Variants in PTPRJ observed in about 807,000 individuals in gnomAD.
PTPRJ encodes the protein protein tyrosine phosphatase receptor type J, also known as receptor-type tyrosine-protein phosphatase eta.
Under a neutral mutation model 141.3 loss-of-function variants are expected in PTPRJ, and 129 were observed. The ratio of observed to expected loss-of-function variants is 0.91; its 90% CI spans 0.79 to 1.06. The LOEUF (loss-of-function observed/expected upper bound fraction) is 1.06. PTPRJ is among the 50% of genes least tolerant of loss of function. The probability of loss-of-function intolerance (pLI) is 0.00; values close to 1 mark genes in which losing one functional copy is unlikely to be tolerated. For missense variants in PTPRJ, 1,601 were observed against 1,679.7 expected, an observed-to-expected ratio of 0.95 and a Z score of 0.82; for synonymous variants, 610 against 640.5, an observed-to-expected ratio of 0.95 and a Z score of 0.72.
Position 48,032,785 on chromosome 11 carries a change from A to G in PTPRJ, c.96+51777A>G, listed in dbSNP as rs369251502. On this transcript the variant is annotated intron_variant, in intron 1 of 24. Coordinates refer to ENST00000418331, the MANE Select transcript of PTPRJ (RefSeq NM_002843.4). ...AAAAAACAAAACAAAAACAACAAAA[A>G]ACCCCAAATCTAATTCATTCATTCA... Among the ~76,000 whole-genome samples the G allele has an allele frequency of 1.1e-4, 16 of 152,266 alleles. No individual in the cohort carries two copies. In the South Asian group the frequency reaches 1.9e-3, roughly 18 times the overall value.
At chr11:47,998,159 TC>T (rs1445449047) in intron 1 of PTPRJ, among the ~76,000 whole-genome samples, 1 of 152,078 alleles carries the variant, frequency 6.6e-6, no homozygotes. Context: ...ATGAGGTTTT[TC>T]TGAGACATCC....
chr11:48,110,708 C>G (rs879546094), intron 2 of PTPRJ, among the ~76,000 whole-genome samples: 1 of 152,100 alleles, frequency 6.6e-6, no homozygotes, highest in Non-Finnish European at 1.5e-5. Context: ...TGTGTTGCTA[C>G]ATTGCCCTTT....
chr11:48,082,554 TTTTA>T (rs1565293492), intron 1 of PTPRJ, among the ~76,000 whole-genome samples: 1 of 151,760 alleles, frequency 6.6e-6, no homozygotes. Flanking sequence ...CTCCTTAATT[TTTTA>T]TTTATTTATT....
At chr11:48,061,124 G>A (rs909819730) in intron 1 of PTPRJ, among the ~76,000 whole-genome samples, 3 of 152,150 alleles carry the variant, frequency 2.0e-5, no homozygotes, top group Non-Finnish European at 4.4e-5. Flanking sequence ...TTACAGGCAT[G>A]TACCACCACA....
chr11:48,120,551 G>A (rs553148930), intron 3 of PTPRJ, among the ~76,000 whole-genome samples: 5 of 152,116 alleles, frequency 3.3e-5, no homozygotes, highest in Admixed American at 1.3e-4. Flanking sequence ...TCAGCCTCCC[G>A]AGTAGCTAGG....
intron 1 of PTPRJ, among the ~76,000 whole-genome samples, chr11:48,034,608 T>C (rs138164424): frequency 6.6e-6 from 1 of 152,322 alleles, no homozygotes; most frequent in African/African-American, 2.4e-5. Flanking sequence ...TTTGTACATA[T>C]TACTTGTTTA....
At chr11:48,024,926 T>A (rs1350128851) in intron 1 of PTPRJ, among the ~76,000 whole-genome samples, 2 of 152,232 alleles carry the variant, frequency 1.3e-5, no homozygotes, top group Non-Finnish European at 2.9e-5. Context: ...TTTACAGAGC[T>A]CTCGGGTGAT....
At chr11:48,092,206 A>C (rs2134300109) in intron 1 of PTPRJ, among the ~76,000 whole-genome samples, 1 of 147,142 alleles carries the variant, frequency 6.8e-6, no homozygotes, top group Admixed American at 6.9e-5. Flanking sequence ...GAGGCAAAAG[A>C]ATTGCTTGAA....
intron 1 of PTPRJ, among the ~76,000 whole-genome samples, chr11:48,008,915 C>T (rs1232310487): frequency 6.6e-6 from 1 of 152,122 alleles, no homozygotes; most frequent in Admixed American, 6.5e-5. Context: ...ACCCAGTAAA[C>T]AAATGAATTA....
intron 24 of PTPRJ, among the ~76,000 whole-genome samples, chr11:48,165,413 C>A (rs1329689373): frequency 6.6e-6 from 1 of 152,196 alleles, no homozygotes; most frequent in Non-Finnish European, 1.5e-5. Context: ...TGGTTTTACC[C>A]AAACTGTTAC....
At chr11:48,022,447 C>T (rs1340490346) in intron 1 of PTPRJ, among the ~76,000 whole-genome samples, 2 of 149,530 alleles carry the variant, frequency 1.3e-5, no homozygotes, top group African/African-American at 2.5e-5. Flanking sequence ...CTGAGTAACA[C>T]GAGCAAAACT....
Position 48,146,875 on chromosome 11 carries a change from G to A in PTPRJ, c.2912-1G>A, listed in dbSNP as rs916361604. The A allele has an allele frequency of 3.1e-6, 5 of 1,613,910 alleles. No homozygotes were observed. Among genetic ancestry groups the A allele is most frequent in the Non-Finnish European group, 4.2e-6 (5 of 1,179,844 alleles). ...GTGTCTCCCATTTGGACTTTTCTCAGGTGTCATCTGTGGAGCGGTTTTTGG... is the reference window on the plus strand; with the variant it reads ...GTGTCTCCCATTTGGACTTTTCTCAAGTGTCATCTGTGGAGCGGTTTTTGG... On this transcript the variant is annotated splice_acceptor_variant, in intron 14 of 24. Transcript: ENST00000418331. LOFTEE classifies it high-confidence loss of function.
chr11:48,045,278 A>G (rs1195958722), intron 1 of PTPRJ, among the ~76,000 whole-genome samples: 2 of 152,192 alleles, frequency 1.3e-5, no homozygotes, highest in Non-Finnish European at 2.9e-5. Context: ...GGTGTCCCCA[A>G]GCGAGCAGAG....
At chr11:48,149,518 TAA>T in intron 16 of PTPRJ, 30 bp downstream of exon 16, 1 of 1,375,294 alleles carries the variant, frequency 7.3e-7, no homozygotes, top group Non-Finnish European at 1.0e-6. Flanking sequence ...AGCTTTATTT[TAA>T]ATCCTCCAAT....
intron 1 of PTPRJ, among the ~76,000 whole-genome samples, chr11:48,009,925 C>A (rs1854734342): frequency 6.6e-6 from 1 of 152,216 alleles, no homozygotes; most frequent in Non-Finnish European, 1.5e-5. Context: ...GCCATCAAGG[C>A]CCCCCATGCC....
At chr11:47,993,862 T>C (rs1300216008) in intron 1 of PTPRJ, among the ~76,000 whole-genome samples, 1 of 150,604 alleles carries the variant, frequency 6.6e-6, no homozygotes, top group Non-Finnish European at 1.5e-5. Flanking sequence ...GCAGTCTCGC[T>C]CTGTTGCCCA....
chr11:48,055,580 A>G (rs1164709061), intron 1 of PTPRJ, among the ~76,000 whole-genome samples: 1 of 152,144 alleles, frequency 6.6e-6, no homozygotes, highest in Non-Finnish European at 1.5e-5. Context: ...TCTACTCCAC[A>G]TTCTCAGAAG....
intron 8 of PTPRJ, 21 bp from the exon 9 acceptor site, chr11:48,136,018 T>A: frequency 5.6e-6 from 9 of 1,605,730 alleles, no homozygotes; most frequent in Non-Finnish European, 7.7e-6. Context: ...TTTTCCCTTC[T>A]CCTTCCTTTC....
At position 48,164,400 on chromosome 11, in the gene PTPRJ, G is replaced by A; in HGVS notation, c.3740G>A (p.Gly1247Asp). The change falls in exon 24 of 25, where the codon GGC becomes GAC. Residue 1247 changes from glycine (G) to aspartate (D), a missense_variant. Physicochemically the swap from Gly to Asp is moderately conservative, Grantham distance 94. Coordinates refer to ENST00000418331, the MANE Select transcript of PTPRJ (RefSeq NM_002843.4). The stretch of plus-strand genomic sequence containing the variant: ...CTCAGTGCTGGGGTCGGAAGGACGG[G>A]CACTTTCATTGCCATTGATCGTCTC... ...VHCSAGVGRT[G>D]TFIAIDRLIY... 6.2e-7 allele frequency: 1 copy of A among 1,614,028 alleles called. No individual in the cohort carries two copies. The highest frequency in any genetic ancestry group is 8.5e-7 in the Non-Finnish European group (1 of 1,179,982).
Sources: gnomAD v4.1 joint callset for allele counts (sites outside exome capture counted in the v4.1 genomes callset) on GRCh38, gnomAD v4.1.1 for gene constraint, MANE v1.5 for transcripts, NCBI Gene and HGNC (gene_info 2026-07-23, HGNC 2026-07-21) for gene names.